Variants in SMIM27 observed in about 807,000 individuals in gnomAD.
SMIM27 encodes the protein TOPORS antisense RNA 1 (non-protein coding).
SMIM27 carries 3 observed loss-of-function variants against 1.8 expected under a neutral mutation model. The ratio of observed to expected loss-of-function variants is 1.65; its 90% CI spans 0.75 to 4.28. The LOEUF (loss-of-function observed/expected upper bound fraction) is 4.28. Among genes scored for constraint, SMIM27 ranks in the 30% most tolerant of loss-of-function variants. SMIM27 has a pLI of 0.02. For synonymous variants in SMIM27, 19 were observed against 13.9 expected, an observed-to-expected ratio of 1.37 and a Z score of -0.82; for missense variants, 63 against 37.0, an observed-to-expected ratio of 1.70 and a Z score of -1.83.
chr9:32,551,406 CG>C, upstream of SMIM27: 1 of 326,414 alleles, frequency 3.1e-6, no homozygotes, highest in South Asian at 2.5e-5. Flanking sequence ...AGGAGTCCAA[CG>C]GGATCCCAAA....
chr9:32,559,761 T>C (rs1821575404), intron 1 of SMIM27, among the ~76,000 whole-genome samples: 1 of 152,180 alleles, frequency 6.6e-6, no homozygotes, highest in African/African-American at 2.4e-5. Flanking sequence ...TCTATAGACT[T>C]GTTCTCCTAT....
downstream of SMIM27, among the ~76,000 whole-genome samples, chr9:32,556,553 T>A (rs1039582875): frequency 1.3e-5 from 2 of 152,228 alleles, no homozygotes; most frequent in East Asian, 3.8e-4. Flanking sequence ...TGAGCATTCT[T>A]CAGTTCCTCA....
downstream of SMIM27, chr9:32,553,850 A>C: frequency 6.9e-7 from 1 of 1,457,622 alleles, no homozygotes; most frequent in African/African-American, 1.4e-5. Flanking sequence ...TTAGGCTCAT[A>C]AGCCTTTTAA....
chr9:32,554,920 T>G (rs1443696836), downstream of SMIM27, among the ~76,000 whole-genome samples: 1 of 152,068 alleles, frequency 6.6e-6, no homozygotes, highest in Non-Finnish European at 1.5e-5. Flanking sequence ...CTAGAAGAAG[T>G]AGCTGGGAAA....
At chr9:32,566,785 CGTT>C in exon 2 of SMIM27, 1 of 915,518 alleles carries the variant, frequency 1.1e-6, no homozygotes, top group Non-Finnish European at 1.8e-6. Context: ...TTCTGGCTGA[CGTT>C]GTACAGGAGG....
At chr9:32,557,458 C>T (rs1280392586), downstream of SMIM27, among the ~76,000 whole-genome samples, 3 of 151,324 alleles carry the variant, frequency 2.0e-5, no homozygotes, top group South Asian at 2.1e-4. Flanking sequence ...CATGAGCCCC[C>T]GATACCCCCT....
chr9:32,563,388 C>A (rs1278853523), intron 1 of SMIM27, among the ~76,000 whole-genome samples: 1 of 151,176 alleles, frequency 6.6e-6, no homozygotes, highest in East Asian at 1.9e-4. Context: ...CCCAGGATGG[C>A]TGGAGTACAG....
At chr9:32,553,173 A>C, downstream of SMIM27, 1 of 343,504 alleles carries the variant, frequency 2.9e-6, no homozygotes, top group Non-Finnish European at 5.3e-6. Context: ...TCAAGTTTCT[A>C]AATTCTTCAA....
At chr9:32,560,166 T>G (rs1185715696) in intron 1 of SMIM27, among the ~76,000 whole-genome samples, 3 of 152,220 alleles carry the variant, frequency 2.0e-5, no homozygotes, top group Non-Finnish European at 2.9e-5. Flanking sequence ...GTTGCAATCT[T>G]ATTGAAGATG....
chr9:32,557,179 T>C (rs1210270876), downstream of SMIM27, among the ~76,000 whole-genome samples: 89 of 104,308 alleles, frequency 8.5e-4, no homozygotes, highest in Middle Eastern at 0.022. Flanking sequence ...TTTTTTTTTT[T>C]CCCGAGACAG....
intron 1 of SMIM27, 91 bp downstream of exon 1, chr9:32,552,570 A>C: frequency 3.5e-6 from 4 of 1,150,942 alleles, no homozygotes; most frequent in Non-Finnish European, 5.1e-6. Flanking sequence ...AGAAACTCCA[A>C]AATCCATTCC....
At chr9:32,552,519 A>C in intron 1 of SMIM27, 40 bp downstream of exon 1, 2 of 1,552,884 alleles carry the variant, frequency 1.3e-6, no homozygotes, top group Non-Finnish European at 1.8e-6. Context: ...GTGTCGACTC[A>C]CTGGGCCCGC....
downstream of SMIM27, among the ~76,000 whole-genome samples, chr9:32,557,772 T>C (rs1202999893): frequency 6.6e-6 from 1 of 152,148 alleles, no homozygotes; most frequent in East Asian, 1.9e-4. Context: ...CCACCGCGCC[T>C]GGCCCCTCCC....
downstream of SMIM27, among the ~76,000 whole-genome samples, chr9:32,555,376 C>G (rs1374602028): frequency 2.6e-5 from 4 of 152,190 alleles, no homozygotes; most frequent in African/African-American, 9.7e-5. Flanking sequence ...GGGACACAGC[C>G]CTATGGCAAA....
downstream of SMIM27, among the ~76,000 whole-genome samples, chr9:32,556,564 A>G (rs1176581723): frequency 6.6e-6 from 1 of 152,214 alleles, no homozygotes; most frequent in Non-Finnish European, 1.5e-5. Context: ...CAGTTCCTCA[A>G]AGGGGTCATG....
At chr9:32,556,291 A>C (rs1821451943), downstream of SMIM27, among the ~76,000 whole-genome samples, 1 of 152,214 alleles carries the variant, frequency 6.6e-6, no homozygotes, top group African/African-American at 2.4e-5. Context: ...AGTTTTAGCT[A>C]ACAGAATTTG....
At chr9:32,551,428 A>G (rs79537933), upstream of SMIM27, 15 of 319,704 alleles carry the variant, frequency 4.7e-5, no homozygotes, top group East Asian at 1.1e-3. Flanking sequence ...CCAGAGCCCA[A>G]CCAGTATCCT....
At chr9:32,563,056 T>G (rs755247990) in intron 1 of SMIM27, among the ~76,000 whole-genome samples, 4 of 152,236 alleles carry the variant, frequency 2.6e-5, no homozygotes, top group Non-Finnish European at 4.4e-5. Flanking sequence ...CAGTTTGGGT[T>G]TATCTTCTGT....
downstream of SMIM27, among the ~76,000 whole-genome samples, chr9:32,555,517 A>G (rs531262223): frequency 2.6e-5 from 4 of 152,390 alleles, no homozygotes; most frequent in East Asian, 5.8e-4. Context: ...GTGTATAGGA[A>G]AAACAGATAC....
Sources: allele counts gnomAD v4.1 joint callset (sites outside exome capture counted in the v4.1 genomes callset), GRCh38; gene constraint gnomAD v4.1.1; transcripts MANE v1.5; gene names NCBI Gene and HGNC (gene_info 2026-07-23, HGNC 2026-07-21).